The following NCOR2 variants were observed in gnomAD, a reference collection of about 807,000 sequenced individuals.
NCOR2 encodes CTG repeat protein 26.
A neutral mutation model predicts 262.9 loss-of-function variants in NCOR2; 81 were observed. The ratio of observed to expected loss-of-function variants is 0.31; its 90% CI spans 0.26 to 0.37. The LOEUF is 0.37. NCOR2 is among the 10% of genes least tolerant of loss of function. The pLI is 1.00. For missense variants in NCOR2, 3,385 were observed against 3,621.4 expected (o/e 0.93, Z 1.68); for synonymous variants, 1,659 against 1,559.3 (o/e 1.06, Z -1.51).
chr12:124,421,683 G>T (rs2043211151), intron 12 of NCOR2, among the ~76,000 whole-genome samples: 1 of 152,230 alleles, frequency 6.6e-6, no homozygotes, highest in Non-Finnish European at 1.5e-5. Context: ...TGAGAAACGT[G>T]ATTCAGGGGA....
Position 124,482,305 on chromosome 12 carries a change from G to C in NCOR2, c.411+1291C>G, listed in dbSNP as rs2136788410. ...TATCTGGCAGGTGTGCAGGTGTCGGGGCCACAGCCACTCAGAGCAGGAGGG... is the reference window on the plus strand; with the variant it reads ...TATCTGGCAGGTGTGCAGGTGTCGGCGCCACAGCCACTCAGAGCAGGAGGG... On this transcript the variant is annotated intron_variant, in intron 3 of 46. Coordinates refer to ENST00000405201, the Ensembl canonical transcript of NCOR2. The surrounding 1 kb of genome is among the most constrained non-coding windows in gnomAD (Gnocchi z 6.3). Among the ~76,000 whole-genome samples the C allele has an allele frequency of 6.6e-6, 1 of 152,074 alleles. No individual in the cohort carries two copies. The highest frequency in any genetic ancestry group is 1.9e-4 in the East Asian group (1 of 5,158).
intron 1 of NCOR2, among the ~76,000 whole-genome samples, chr12:124,488,911 C>G (rs1312472831): frequency 6.6e-6 from 1 of 151,944 alleles, no homozygotes; most frequent in Non-Finnish European, 1.5e-5. Context: ...AACCCTTTGG[C>G]CTTCGTTTCC....
chr12:124,388,873 G>C (rs2041039296), intron 16 of NCOR2: 2 of 856,118 alleles, frequency 2.3e-6, no homozygotes, highest in Non-Finnish European at 2.9e-6. Flanking sequence ...GGTGAGGGAG[G>C]GAGGGAGGGA....
chr12:124,332,206 T>C lies in NCOR2; in HGVS notation c.6904+113A>G, dbSNP rs564512329. On this transcript the variant is annotated intron_variant, in intron 43 of 46. Coordinates refer to ENST00000405201, the Ensembl canonical transcript of NCOR2. ...GGGGGAGGTGGTCAGCAGGGCCACT[T>C]AGCTTTCGAAGGTGCACCGTGGGTT... is the stretch of plus-strand genomic sequence containing the variant. The C allele has an allele frequency of 5.6e-4, 766 of 1,365,898 alleles. 1 individual carries two copies. Among genetic ancestry groups the C allele is most frequent in the Non-Finnish European group, 7.1e-4 (695 of 985,138 alleles). The allele number at this position is 1,365,898 out of a possible 1,614,324, so 84.6% of individuals were successfully genotyped here.
rs147274410 is a variant in NCOR2 at position 124,392,682 on chromosome 12, C to T, written c.1876+5437G>A. On this transcript the variant is annotated intron_variant, in intron 16 of 46. Transcript: ENST00000405201. ...TCTTTTGGGGGGCCCATGGTGGGCA[C>T]AGCCCAAGGCTTTCCCAGTGGACAT... is the stretch of plus-strand genomic sequence containing the variant. 6.0e-4 allele frequency among the ~76,000 whole-genome samples: 91 copies of T among 152,374 alleles called. 1 individual carries two copies. The highest frequency in any genetic ancestry group is 2.2e-3 in the African/African-American group (90 of 41,592).
chr12:124,416,093 C>G (rs1032738181), intron 13 of NCOR2, among the ~76,000 whole-genome samples: 1 of 152,116 alleles, frequency 6.6e-6, no homozygotes, highest in African/African-American at 2.4e-5. Context: ...AATGGCCAAG[C>G]GTCCACTGGA....
intron 13 of NCOR2, among the ~76,000 whole-genome samples, chr12:124,412,518 C>T (rs553689091): frequency 3.3e-5 from 5 of 152,358 alleles, no homozygotes; most frequent in South Asian, 2.1e-4. Flanking sequence ...CTGTCAGGCG[C>T]GCTGACAATA....
intron 13 of NCOR2, among the ~76,000 whole-genome samples, chr12:124,403,466 C>A (rs1316300916): frequency 6.6e-6 from 1 of 152,144 alleles, no homozygotes; most frequent in African/African-American, 2.4e-5. Context: ...CCTGGCACCG[C>A]CTCCCGATTT....
In NCOR2 at chr12:124,481,162, A is replaced by G. The variant is rs985938239; in HGVS notation, c.411+2434T>C. Among the ~76,000 whole-genome samples, 1 of 150,032 alleles carries G rather than the reference A, an allele frequency of 6.7e-6. No individual in the cohort carries two copies. The highest frequency in any genetic ancestry group is 2.5e-5 in the African/African-American group (1 of 40,756). On this transcript the variant is annotated intron_variant, in intron 3 of 46. Transcript: ENST00000405201. The surrounding 1 kb of genome is among the most constrained non-coding windows in gnomAD (Gnocchi z 4.6). ...GGTGGAAAGAAAGAGAGGGAGGAAGAAGGAGGGAGGAAGGTGTAGAAGGAG... is the reference window on the plus strand; with the variant it reads ...GGTGGAAAGAAAGAGAGGGAGGAAGGAGGAGGGAGGAAGGTGTAGAAGGAG...
chr12:124,560,974 T>A (rs4765579), intron 1 of NCOR2, among the ~76,000 whole-genome samples: 42,395 of 152,216 alleles, frequency 0.28, 7,082 homozygotes, highest in Middle Eastern at 0.4. Context: ...TTAAGTCATA[T>A]CATAACAAAA....
At position 124,548,075 on chromosome 12, in the gene NCOR2, C is replaced by T. The variant is rs1473287162; in HGVS notation, c.-164-12464G>A. Reference sequence around the variant, plus strand: ...GAGCCAGCTGGTGGGAGAGAGGGGCCTGGGGTGCCCCAGGCCGGGCAGGTC... The same window carrying T: ...GAGCCAGCTGGTGGGAGAGAGGGGCTTGGGGTGCCCCAGGCCGGGCAGGTC... On this transcript the variant is annotated intron_variant, in intron 1 of 32. Transcript: ENST00000458234. The surrounding 1 kb of genome is among the most constrained non-coding windows in gnomAD (Gnocchi z 5.1). Among the ~76,000 whole-genome samples the T allele has an allele frequency of 2.0e-5, 3 of 151,620 alleles. No homozygotes were observed. The highest frequency in any genetic ancestry group is 7.3e-5 in the African/African-American group (3 of 41,254).
At chr12:124,363,274 C>T (rs1215730014) in intron 21 of NCOR2, among the ~76,000 whole-genome samples, 4 of 152,228 alleles carry the variant, frequency 2.6e-5, no homozygotes, top group Non-Finnish European at 4.4e-5. Context: ...CAAGGGCCCA[C>T]GCACCCAGCT....
rs373197364 is a variant in NCOR2 at position 124,378,940 on chromosome 12, C to T, written c.2020-556G>A. Among the ~76,000 whole-genome samples the T allele has an allele frequency of 0.012, 460 of 37,890 alleles. 2 individuals carry two copies. Among genetic ancestry groups the T allele is most frequent in the African/African-American group, 0.028 (436 of 15,788 alleles). 24.9% of individuals were successfully genotyped at this position (37,890 alleles called of 152,430 possible). A position where few individuals can be genotyped will look rare whatever the true frequency, so the allele number is the denominator to read the frequency against. On this transcript the variant is annotated intron_variant, in intron 17 of 46. Transcript: ENST00000405201. This position sits in a 1 kb window ranked among gnomAD's most constrained non-coding sequence, Gnocchi z 4.2. ...GTCCTGCCCTTGGAGGCTGCCCTGC[C>T]GCTGGGGAGACTGGCAACGTGCTCC... is the stretch of plus-strand genomic sequence containing the variant.
chr12:124,438,943 GGAGA>G (rs2044599875), intron 7 of NCOR2, among the ~76,000 whole-genome samples: 1 of 87,930 alleles, frequency 1.1e-5, no homozygotes, highest in African/African-American at 4.2e-5. Context: ...AGAGACAGAG[GGAGA>G]GAGAGACCCA....
intron 7 of NCOR2, among the ~76,000 whole-genome samples, chr12:124,440,000 C>T (rs977252045): frequency 1.3e-5 from 2 of 151,966 alleles, no homozygotes; most frequent in African/African-American, 2.4e-5. Context: ...GGACCGTCCT[C>T]TTCTCTTCCC....
intron 41 of NCOR2, 55 bp downstream of exon 43, chr12:124,334,369 T>C: frequency 1.5e-6 from 2 of 1,323,446 alleles, no homozygotes; most frequent in Non-Finnish European, 2.1e-6. Context: ...GGCAGGCAGC[T>C]GACGAAGGCC....
intron 18 of NCOR2, 134 bp from the exon 21 acceptor site, chr12:124,374,597 G>T: frequency 1.2e-6 from 1 of 812,394 alleles, no homozygotes; most frequent in Non-Finnish European, 2.0e-6. Context: ...TCGCTCTCCT[G>T]CCCCGACTGC....
intron 22 of NCOR2, among the ~76,000 whole-genome samples, chr12:124,361,322 G>A (rs1224331650): frequency 6.6e-6 from 1 of 152,174 alleles, no homozygotes; most frequent in Non-Finnish European, 1.5e-5. Context: ...GGAACCTCTG[G>A]GGAAGCAGCC....
intron 1 of NCOR2, among the ~76,000 whole-genome samples, chr12:124,533,834 G>C (rs1375592766): frequency 1.3e-5 from 2 of 152,150 alleles, no homozygotes; most frequent in African/African-American, 4.8e-5. Context: ...GTTGTGTGGT[G>C]TCATCCAAGC....
Sources: gnomAD v4.1 joint callset for allele counts (sites outside exome capture counted in the v4.1 genomes callset) on GRCh38, gnomAD v4.1.1 for gene constraint, Gnocchi (gnomAD v3.1) non-coding constraint, MANE v1.5 for transcripts, NCBI Gene and HGNC (gene_info 2026-07-23, HGNC 2026-07-21) for gene names.